Variants in POU2F1 observed in about 807,000 individuals in gnomAD.
POU2F1 encodes the protein POU domain, class 2, transcription factor 1.
Under a neutral mutation model 84.9 loss-of-function variants are expected in POU2F1, and 16 were observed. The observed-to-expected ratio is 0.19, with a 90% CI of 0.13 to 0.29. The LOEUF is 0.29. POU2F1 is among the 10% of genes least tolerant of loss of function. The pLI, the probability that POU2F1 is intolerant of heterozygous loss-of-function variation, is 1.00. For synonymous variants in POU2F1, 368 were observed against 368.3 expected, an observed-to-expected ratio of 1.00 and a Z score of 0.01; for missense variants, 738 against 942.6, an observed-to-expected ratio of 0.78 and a Z score of 2.84.
In POU2F1 at chr1:167,389,402, G is replaced by T. The variant is rs34001419; in HGVS notation, c.814-186G>T. Among the ~76,000 whole-genome samples the T allele has an allele frequency of 0.027, 4,033 of 152,114 alleles. 77 individuals carry two copies. Among genetic ancestry groups the T allele is most frequent in the Non-Finnish European group, 0.04 (2,706 of 67,998 alleles). ...TTTCTATAGAATTACATAATTACTT[G>T]TAATTACAGTATACATAATTTCACT... On this transcript the variant is annotated intron_variant, in intron 8 of 15. Coordinates refer to ENST00000367866, the MANE Select transcript of POU2F1 (RefSeq NM_002697.4).
chr1:167,257,467 C>T (rs937010400), intron 1 of POU2F1, among the ~76,000 whole-genome samples: 8 of 152,216 alleles, frequency 5.3e-5, no homozygotes, highest in Admixed American at 6.5e-5. Context: ...TGAGCCCTGA[C>T]GTCGATTTTC....
chr1:167,299,897 AGGGGC>A (rs1394059505), intron 1 of POU2F1, among the ~76,000 whole-genome samples: 1 of 152,134 alleles, frequency 6.6e-6, no homozygotes, highest in Non-Finnish European at 1.5e-5. Context: ...GGTGTGAGGT[AGGGGC>A]CAAAAAAGTG....
intron 1 of POU2F1, among the ~76,000 whole-genome samples, chr1:167,228,386 G>C (rs1055840845): frequency 6.6e-6 from 1 of 152,138 alleles, no homozygotes; most frequent in African/African-American, 2.4e-5. Flanking sequence ...TGCTACTAGA[G>C]ATACAAACAT....
intron 13 of POU2F1, among the ~76,000 whole-genome samples, chr1:167,404,294 G>A (rs2101925242): frequency 6.6e-6 from 1 of 151,842 alleles, no homozygotes; most frequent in East Asian, 1.9e-4. Flanking sequence ...AGTGATGAAT[G>A]CAAGATTACA....
chr1:167,367,687 A>G (rs572632969), intron 3 of POU2F1, among the ~76,000 whole-genome samples: 1 of 152,254 alleles, frequency 6.6e-6, no homozygotes, highest in East Asian at 1.9e-4. Context: ...AGTTGTTACT[A>G]TTTTACCATA....
chr1:167,374,275 T>G lies in POU2F1; in HGVS notation c.570T>G (p.Ser190=). 1 of 1,611,298 alleles carries G rather than the reference T, an allele frequency of 6.2e-7. No homozygotes were observed. The change falls in exon 6 of 16, where the codon TCT becomes TCG. Residue 190 remains serine (S), a synonymous_variant. Transcript: ENST00000367866. Reference sequence around the variant, plus strand: ...CGCCCATGACGCAGATCCCCCTGTCTCAGCCCATACAGATCGCACAGGTGA... The same window carrying G: ...CGCCCATGACGCAGATCCCCCTGTCGCAGCCCATACAGATCGCACAGGTGA... ...AATPMTQIPL[S]QPIQIAQDLQ... is the part of the protein sequence containing the mutation.
chr1:167,370,488 T>G (rs1659940149), intron 4 of POU2F1, among the ~76,000 whole-genome samples: 1 of 152,240 alleles, frequency 6.6e-6, no homozygotes, highest in Admixed American at 6.5e-5. Context: ...GTTATACTGC[T>G]ATAACACATA....
intron 13 of POU2F1, among the ~76,000 whole-genome samples, chr1:167,403,641 C>T (rs1406485162): frequency 1.3e-5 from 2 of 152,132 alleles, no homozygotes; most frequent in East Asian, 1.9e-4. Context: ...TTATTAAAGA[C>T]GGCCATTGTC....
intron 1 of POU2F1, among the ~76,000 whole-genome samples, chr1:167,304,496 G>A (rs1654926594): frequency 6.6e-6 from 1 of 152,006 alleles, no homozygotes. Context: ...AAATTTATGT[G>A]ATCACAAATT....
intron 1 of POU2F1, among the ~76,000 whole-genome samples, chr1:167,265,063 T>C (rs1473106050): frequency 6.6e-6 from 1 of 152,226 alleles, no homozygotes; most frequent in Non-Finnish European, 1.5e-5. Flanking sequence ...CTGACTTTCA[T>C]ACTAGAATGT....
intron 15 of POU2F1, among the ~76,000 whole-genome samples, chr1:167,415,027 A>G (rs1347207456): frequency 2.6e-5 from 4 of 152,198 alleles, no homozygotes; most frequent in African/African-American, 7.2e-5. Flanking sequence ...TAATGCCGCC[A>G]CTGATCTAAC....
At chr1:167,259,551 C>G (rs1355107658) in intron 1 of POU2F1, among the ~76,000 whole-genome samples, 1 of 152,120 alleles carries the variant, frequency 6.6e-6, no homozygotes, top group East Asian at 1.9e-4. Flanking sequence ...TCTCCCTGTG[C>G]GTACATGTTA....
At chr1:167,270,406 G>A (rs1299281444) in intron 1 of POU2F1, among the ~76,000 whole-genome samples, 1 of 152,124 alleles carries the variant, frequency 6.6e-6, no homozygotes, top group East Asian at 1.9e-4. Context: ...TCTGCAAGAA[G>A]CCTTTGGTTT....
chr1:167,406,312 A>G (rs1649571364), intron 13 of POU2F1, among the ~76,000 whole-genome samples: 2 of 152,234 alleles, frequency 1.3e-5, no homozygotes, highest in Admixed American at 1.3e-4. Context: ...CAGAAAAGAT[A>G]TTTGTAAAAA....
rs575610997 is a variant in POU2F1 at position 167,385,558 on chromosome 1, T to C, written c.813+1607T>C. Among the ~76,000 whole-genome samples the C allele has an allele frequency of 6.0e-5, 9 of 150,492 alleles. No individual in the cohort carries two copies. The South Asian group carries it at 1.9e-3, about 32-fold the overall frequency. On this transcript the variant is annotated intron_variant, in intron 8 of 15. Transcript: ENST00000367866. The stretch of plus-strand genomic sequence containing the variant: ...TGCCAAAGGTGCCAAAGGATTTCAA[T>C]GGGAAAAAAAAAGTCATTCAAAAAA...
chr1:167,366,464 T>C (rs1261391949), intron 3 of POU2F1, among the ~76,000 whole-genome samples: 1 of 152,230 alleles, frequency 6.6e-6, no homozygotes, highest in Non-Finnish European at 1.5e-5. Flanking sequence ...TAAAGTCTTT[T>C]CATCAAAATA....
chr1:167,308,570 A>G (rs1352367500), intron 1 of POU2F1, among the ~76,000 whole-genome samples: 2 of 152,164 alleles, frequency 1.3e-5, no homozygotes, highest in Admixed American at 6.5e-5. Flanking sequence ...TCTGTCCCCA[A>G]GCTGGAGTAC....
chr1:167,345,273 G>C (rs1020383129), intron 2 of POU2F1, among the ~76,000 whole-genome samples: 1 of 152,184 alleles, frequency 6.6e-6, no homozygotes, highest in Non-Finnish European at 1.5e-5. Flanking sequence ...GCCTAAAGTA[G>C]AAGATTCCTT....
intron 1 of POU2F1, among the ~76,000 whole-genome samples, chr1:167,244,998 C>T (rs566331832): frequency 6.6e-6 from 1 of 152,088 alleles, no homozygotes; most frequent in Non-Finnish European, 1.5e-5. Context: ...ACAACTATGA[C>T]AGGAACAGTA....
Sources: allele counts gnomAD v4.1 joint callset (sites outside exome capture counted in the v4.1 genomes callset), GRCh38; gene constraint gnomAD v4.1.1; transcripts MANE v1.5; gene names NCBI Gene and HGNC (gene_info 2026-07-23, HGNC 2026-07-21).